The following MARCHF1 variants were observed in gnomAD, a reference collection of about 807,000 sequenced individuals.
MARCHF1 encodes membrane associated ring-CH-type finger 1.
A neutral mutation model predicts 54.2 loss-of-function variants in MARCHF1; 40 were observed. That is an observed-to-expected ratio of 0.74 (90% CI 0.57 to 0.96). The LOEUF is 0.96. Among genes scored for constraint, MARCHF1 ranks in the 40% least tolerant of loss-of-function variants. The probability of loss-of-function intolerance (pLI) is 0.00; values close to 1 mark genes in which losing one functional copy is unlikely to be tolerated. For synonymous variants in MARCHF1, 236 were observed against 236.3 expected (o/e 1.00, Z 0.01); for missense variants, 586 against 656.5 (o/e 0.89, Z 1.17).
chr4:164,007,345 C>CAAAAAAAAAAAAAAAA (rs56306052), intron 2 of MARCHF1, among the ~76,000 whole-genome samples: 9 of 81,764 alleles, frequency 1.1e-4, no homozygotes, highest in African/African-American at 3.0e-4. Flanking sequence ...GACTCCATCT[C>CAAAAAAAAAAAAAAAA]AAAAAAAAAA....
intron 4 of MARCHF1, among the ~76,000 whole-genome samples, chr4:163,759,711 C>CT (rs1310529632): frequency 3.3e-5 from 5 of 152,084 alleles, no homozygotes; most frequent in African/African-American, 9.7e-5. Flanking sequence ...ATTTTTTCTT[C>CT]TTTTTTAAAA....
intron 5 of MARCHF1, among the ~76,000 whole-genome samples, chr4:163,662,137 A>G (rs752807863): frequency 6.6e-6 from 1 of 152,000 alleles, no homozygotes; most frequent in African/African-American, 2.4e-5. Flanking sequence ...TGCTAGGTAC[A>G]CAGTTGGTCC....
At chr4:163,893,690 G>A (rs906419819) in intron 3 of MARCHF1, among the ~76,000 whole-genome samples, 3 of 152,068 alleles carry the variant, frequency 2.0e-5, no homozygotes, top group Non-Finnish European at 4.4e-5. Flanking sequence ...AAAATGTATT[G>A]AGCCTTTGAC....
intron 1 of MARCHF1, chr4:164,234,867 A>G (rs1732503594): frequency 6.6e-6 from 1 of 152,088 alleles, no homozygotes; most frequent in Non-Finnish European, 1.5e-5. Context: ...CTGAATTTCT[A>G]CTCAGCGGTG....
intron 4 of MARCHF1, among the ~76,000 whole-genome samples, chr4:163,819,733 C>T (rs1482120987): frequency 6.6e-6 from 1 of 152,188 alleles, no homozygotes; most frequent in South Asian, 2.1e-4. Context: ...CCCCAATATT[C>T]GTACAAACCA....
chr4:163,863,261 G>A (rs1244241820), intron 3 of MARCHF1, among the ~76,000 whole-genome samples: 2 of 152,078 alleles, frequency 1.3e-5, no homozygotes, highest in African/African-American at 4.8e-5. Flanking sequence ...ACTGAAGATG[G>A]TGAGGGAAAA....
intron 3 of MARCHF1, among the ~76,000 whole-genome samples, chr4:163,967,575 A>T (rs1393584339): frequency 6.6e-6 from 1 of 152,042 alleles, no homozygotes; most frequent in African/African-American, 2.4e-5. Context: ...CTTTACTTCT[A>T]TTAGTACAAC....
chr4:164,270,910 A>G (rs565921107), intron 1 of MARCHF1, among the ~76,000 whole-genome samples: 32 of 152,300 alleles, frequency 2.1e-4, no homozygotes, highest in African/African-American at 7.7e-4. Flanking sequence ...AAAATAGTCA[A>G]CTTCTGAAGA....
intron 3 of MARCHF1, among the ~76,000 whole-genome samples, chr4:163,976,488 C>T (rs1010848758): frequency 6.6e-6 from 1 of 152,098 alleles, no homozygotes; most frequent in Non-Finnish European, 1.5e-5. Context: ...AAGCAAGGGC[C>T]TAAAATTATT....
intron 7 of MARCHF1, among the ~76,000 whole-genome samples, chr4:163,586,872 A>T (rs1189356718): frequency 6.6e-6 from 1 of 152,242 alleles, no homozygotes; most frequent in Admixed American, 6.5e-5. Flanking sequence ...TAAAGTTAAT[A>T]CAAGAAGTCT....
intron 1 of MARCHF1, among the ~76,000 whole-genome samples, chr4:164,213,203 T>TTTATTATTATTATTATTATTATTATTA (rs200182175): frequency 7.1e-6 from 1 of 141,782 alleles, no homozygotes; most frequent in Admixed American, 7.1e-5. Context: ...GGCTTTTACT[T>TTTATTATTATTATTATTATTATTATTA]TTATTATTAT....
At position 163,692,933 on chromosome 4, in the gene MARCHF1, G is replaced by A. The variant is rs1473564572; in HGVS notation, c.162+7880C>T. On this transcript the variant is annotated intron_variant, in intron 5 of 9. Coordinates refer to ENST00000514618, the MANE Select transcript of MARCHF1 (RefSeq NM_001394959.1). ...ATGTGGTATGAGGCTATTAATCCAC[G>A]AATGTGTTCTTTTCAATATTTGTCA... is the stretch of plus-strand genomic sequence containing the variant. Among the ~76,000 whole-genome samples, 4 of 151,314 alleles carry A rather than the reference G, an allele frequency of 2.6e-5. No individual in the cohort carries two copies. The East Asian group carries it at 6.0e-4, about 23-fold the overall frequency.
At chr4:163,587,026 C>A (rs1212841931) in intron 7 of MARCHF1, among the ~76,000 whole-genome samples, 1 of 152,104 alleles carries the variant, frequency 6.6e-6, no homozygotes, top group African/African-American at 2.4e-5. Context: ...ACAGAAAATC[C>A]TATTGTTTAA....
At chr4:163,866,319 C>A in intron 3 of MARCHF1, among the ~76,000 whole-genome samples, 1 of 149,864 alleles carries the variant, frequency 6.7e-6, no homozygotes, top group African/African-American at 2.4e-5. Context: ...TATTATATAC[C>A]AAGAGTCAAA....
At chr4:163,836,160 A>G (rs904824529) in intron 4 of MARCHF1, among the ~76,000 whole-genome samples, 1 of 152,158 alleles carries the variant, frequency 6.6e-6, no homozygotes, top group Non-Finnish European at 1.5e-5. Context: ...TGTAAGTGGA[A>G]GGAGCTGGCT....
At chr4:163,695,365 C>T (rs1393642252) in intron 5 of MARCHF1, among the ~76,000 whole-genome samples, 1 of 152,158 alleles carries the variant, frequency 6.6e-6, no homozygotes, top group East Asian at 1.9e-4. Flanking sequence ...ACCTTGTACA[C>T]AGTACGTCAT....
chr4:163,840,844 T>G (rs1749317122), intron 4 of MARCHF1, among the ~76,000 whole-genome samples: 1 of 152,102 alleles, frequency 6.6e-6, no homozygotes, highest in Non-Finnish European at 1.5e-5. Flanking sequence ...TAATTAATGA[T>G]TTTGGTAATC....
At chr4:163,653,674 G>A (rs7675179) in intron 5 of MARCHF1, among the ~76,000 whole-genome samples, 204 of 151,676 alleles carry the variant, frequency 1.3e-3, no homozygotes, top group African/African-American at 4.6e-3. Context: ...AAGGAAAGAA[G>A]GTAGACATCA....
intron 2 of MARCHF1, among the ~76,000 whole-genome samples, chr4:164,111,117 A>C (rs774596140): frequency 2.0e-5 from 3 of 151,862 alleles, no homozygotes; most frequent in Non-Finnish European, 3.0e-5. Context: ...CATCATGATG[A>C]ATATGATAAT....
Sources: gnomAD v4.1 joint callset for allele counts (sites outside exome capture counted in the v4.1 genomes callset) on GRCh38, gnomAD v4.1.1 for gene constraint, MANE v1.5 for transcripts, NCBI Gene and HGNC (gene_info 2026-07-23, HGNC 2026-07-21) for gene names.